Variants in CACNA1E observed in about 807,000 individuals in gnomAD.
CACNA1E encodes calcium voltage-gated channel subunit alpha1 E, also known as voltage-dependent R-type calcium channel subunit alpha-1E.
CACNA1E carries 40 observed loss-of-function variants against 259.2 expected under a neutral mutation model. That is an observed-to-expected ratio of 0.15 (90% CI 0.12 to 0.20). The LOEUF (loss-of-function observed/expected upper bound fraction) is 0.20, where lower values mean the gene tolerates loss of function less well. CACNA1E is among the 10% of genes least tolerant of loss of function. The pLI is 1.00. For synonymous variants in CACNA1E, 1,104 were observed against 1,138.5 expected (o/e 0.97, Z 0.61); for missense variants, 1,874 against 3,040.1 (o/e 0.62, Z 9.02).
intron 7 of CACNA1E, among the ~76,000 whole-genome samples, chr1:181,674,108 G>A (rs1031835060): frequency 3.3e-5 from 5 of 151,820 alleles, no homozygotes; most frequent in East Asian, 1.9e-4. Context: ...GGCTGGGCGC[G>A]GTGGCTCATG....
Position 181,798,765 on chromosome 1 carries a change from T to C in CACNA1E, c.6873T>C (p.Pro2291=). Reference sequence around the variant, plus strand: ...ATCGGCGGCGGAGGCGCGGGGGGCCTGGGCCAGGCATGATGTGTGGGGCTG... The same window carrying C: ...ATCGGCGGCGGAGGCGCGGGGGGCCCGGGCCAGGCATGATGTGTGGGGCTG... ...GHYRRRRRGG[P]GPGMMCGAVN... Residue 2291 remains proline, a synonymous_variant, in exon 48 of 48, where the codon CCT becomes CCC. Coordinates refer to ENST00000367573, the MANE Select transcript of CACNA1E (RefSeq NM_001205293.3). The surrounding 1 kb of genome is among the most constrained non-coding windows in gnomAD (Gnocchi z 4.2). 6.3e-7 allele frequency: 1 copy of C among 1,596,880 alleles called. No individual in the cohort carries two copies. Among genetic ancestry groups the C allele is most frequent in the Non-Finnish European group, 8.5e-7 (1 of 1,171,518 alleles).
chr1:181,752,272 C>T, intron 27 of CACNA1E, 33 bp downstream of exon 27: 3 of 1,461,310 alleles, frequency 2.1e-6, no homozygotes, highest in Non-Finnish European at 2.9e-6. Context: ...CCATCAAATC[C>T]CCTTCTCCCA....
chr1:181,380,689 C>T (rs1418024964), intron 1 of CACNA1E, among the ~76,000 whole-genome samples: 1 of 152,010 alleles, frequency 6.6e-6, no homozygotes, highest in East Asian at 1.9e-4. Flanking sequence ...ATTAAAAATA[C>T]TGATGGTATG....
intron 2 of CACNA1E, among the ~76,000 whole-genome samples, chr1:181,426,877 A>C (rs111614995): frequency 4.5e-3 from 316 of 70,594 alleles, no homozygotes; most frequent in Middle Eastern, 0.016. Flanking sequence ...CAACCCCTTC[A>C]CATCTCAACC....
chr1:181,467,778 G>A (rs1457824000), intron 2 of CACNA1E, among the ~76,000 whole-genome samples: 1 of 152,104 alleles, frequency 6.6e-6, no homozygotes, highest in Non-Finnish European at 1.5e-5. Flanking sequence ...TGAGTCCTAT[G>A]AGCTAGAGCA....
intron 1 of CACNA1E, among the ~76,000 whole-genome samples, chr1:181,496,590 G>C (rs773964563): frequency 2.6e-5 from 4 of 152,238 alleles, no homozygotes; most frequent in East Asian, 1.9e-4. Context: ...AAAGGGTTAG[G>C]GTGCTGTGGG....
At chr1:181,568,095 G>C (rs1385942847) in intron 3 of CACNA1E, among the ~76,000 whole-genome samples, 1 of 152,110 alleles carries the variant, frequency 6.6e-6, no homozygotes, top group African/African-American at 2.4e-5. Context: ...GAAGCCCAAA[G>C]TGTATTTTCT....
chr1:181,786,942 G>A (rs1660893772), intron 43 of CACNA1E, among the ~76,000 whole-genome samples: 1 of 152,142 alleles, frequency 6.6e-6, no homozygotes, highest in African/African-American at 2.4e-5. Context: ...AAGGATGAGA[G>A]TCATGACCAA....
chr1:181,530,905 G>A lies in CACNA1E; in HGVS notation c.512+19395G>A, dbSNP rs570735860. On this transcript the variant is annotated intron_variant, in intron 3 of 47. Transcript: ENST00000367573. ...AATAAGAATAGTCAGAAATTTTGCA[G>A]CTTTTGAAGAAGGAAGGCACAGGCT... Among the ~76,000 whole-genome samples, 9 of 152,306 alleles carry A rather than the reference G, an allele frequency of 5.9e-5. No homozygotes were observed. In the East Asian group the frequency reaches 1.7e-3, roughly 29 times the overall value.
chr1:181,516,599 C>G (rs146681912), intron 3 of CACNA1E, among the ~76,000 whole-genome samples: 2 of 152,332 alleles, frequency 1.3e-5, no homozygotes, highest in African/African-American at 4.8e-5. Context: ...CTGCCTCAGA[C>G]TCAGCGACAG....
intron 6 of CACNA1E, among the ~76,000 whole-genome samples, chr1:181,594,122 G>A (rs1291528663): frequency 6.6e-6 from 1 of 151,828 alleles, no homozygotes; most frequent in Non-Finnish European, 1.5e-5. Context: ...GATCTGTGAA[G>A]GCTAAAAATC....
At chr1:181,390,883 G>C (rs1656219453) in intron 1 of CACNA1E, among the ~76,000 whole-genome samples, 1 of 152,188 alleles carries the variant, frequency 6.6e-6, no homozygotes, top group African/African-American at 2.4e-5. Flanking sequence ...ATTGCTTCCT[G>C]TTGGAAAGAT....
chr1:181,560,199 T>C (rs1412266157), intron 3 of CACNA1E, among the ~76,000 whole-genome samples: 1 of 152,008 alleles, frequency 6.6e-6, no homozygotes, highest in Non-Finnish European at 1.5e-5. Flanking sequence ...CTTCAGAAGG[T>C]TAGGAAGATA....
intron 1 of CACNA1E, among the ~76,000 whole-genome samples, chr1:181,406,279 A>G (rs1246584509): frequency 1.3e-5 from 2 of 152,374 alleles, no homozygotes; most frequent in African/African-American, 4.8e-5. Context: ...TAATACAAAC[A>G]TAAGTTATTT....
chr1:181,747,851 G>A (rs868308271), intron 25 of CACNA1E, among the ~76,000 whole-genome samples: 2 of 152,174 alleles, frequency 1.3e-5, no homozygotes, highest in African/African-American at 2.4e-5. Flanking sequence ...ACTCTTGTAT[G>A]TATGGATTTG....
At chr1:181,580,856 G>A in intron 6 of CACNA1E, 80 bp downstream of exon 6, 1 of 1,306,496 alleles carries the variant, frequency 7.7e-7, no homozygotes, top group South Asian at 1.2e-5. Flanking sequence ...GGCCTGGCTA[G>A]TCCGGGGACA....
intron 45 of CACNA1E, among the ~76,000 whole-genome samples, chr1:181,794,602 G>T (rs1412474698): frequency 6.6e-6 from 1 of 152,236 alleles, no homozygotes; most frequent in Non-Finnish European, 1.5e-5. Context: ...CCTGCATTCC[G>T]CATGGCTTTG....
chr1:181,354,158 T>A (rs1040648568), intron 1 of CACNA1E, among the ~76,000 whole-genome samples: 3 of 152,018 alleles, frequency 2.0e-5, no homozygotes, highest in African/African-American at 7.3e-5. Context: ...TTTTTTTTTT[T>A]TTTTAAACAG....
chr1:181,495,287 T>C (rs1324662871), intron 1 of CACNA1E, among the ~76,000 whole-genome samples: 1 of 152,232 alleles, frequency 6.6e-6, no homozygotes, highest in Admixed American at 6.5e-5. Flanking sequence ...GGGGTCGTTG[T>C]TAAAAATGAC....
Sources: allele counts gnomAD v4.1 joint callset (sites outside exome capture counted in the v4.1 genomes callset), GRCh38; gene constraint gnomAD v4.1.1; non-coding constraint Gnocchi (gnomAD v3.1); transcripts MANE v1.5; gene names NCBI Gene and HGNC (gene_info 2026-07-23, HGNC 2026-07-21).